IRGM: variants seen among roughly 807,000 people sequenced by gnomAD.
IRGM encodes the protein immunity-related GTPase family M protein.
For missense variants in IRGM, 288 were observed against 219.9 expected (o/e 1.31, Z -1.96); for synonymous variants, 98 against 80.6 (o/e 1.22, Z -1.16).
intron 3 of IRGM, among the ~76,000 whole-genome samples, chr5:150,880,054 G>A (rs1008794925): frequency 2.6e-5 from 4 of 152,072 alleles, no homozygotes; most frequent in Non-Finnish European, 5.9e-5. Flanking sequence ...TGGGCAAACT[G>A]GAGTCATCTG....
At position 150,863,485 on chromosome 5, in the gene IRGM, C is replaced by T. The variant is rs1015060206; in HGVS notation, c.159-14495C>T. Reference sequence around the variant, plus strand: ...ATATGGGATAAAATATAATGATTACCTCTGGATAATTTTGGGACAGTAAAT... The same window carrying T: ...ATATGGGATAAAATATAATGATTACTTCTGGATAATTTTGGGACAGTAAAT... On this transcript the variant is annotated intron_variant and NMD_transcript_variant, in intron 1 of 3. Coordinates refer to the IRGM transcript ENST00000520549. 8.5e-5 allele frequency among the ~76,000 whole-genome samples: 13 copies of T among 152,150 alleles called. 1 individual carries two copies. Among genetic ancestry groups the T allele is most frequent in the Admixed American group, 6.5e-4 (10 of 15,300 alleles).
At chr5:150,896,304 A>C (rs1288170426) in intron 3 of IRGM, 1 of 1,613,558 alleles carries the variant, frequency 6.2e-7, no homozygotes, top group Non-Finnish European at 8.5e-7. Context: ...ATGTACAACA[A>C]GATGAAACTT....
At chr5:150,876,695 G>A (rs562541588) in intron 1 of IRGM, among the ~76,000 whole-genome samples, 1 of 152,276 alleles carries the variant, frequency 6.6e-6, no homozygotes, top group South Asian at 2.1e-4. Context: ...CTGCAAATGG[G>A]TTCCAGACCC....
At chr5:150,851,561 A>G (rs1351153994), downstream of IRGM, among the ~76,000 whole-genome samples, 1 of 152,220 alleles carries the variant, frequency 6.6e-6, no homozygotes, top group Non-Finnish European at 1.5e-5. Flanking sequence ...CTTTGAGAAG[A>G]TGATATATAA....
intron 3 of IRGM, among the ~76,000 whole-genome samples, chr5:150,893,987 ATT>A (rs1754665492): frequency 6.6e-6 from 1 of 151,990 alleles, no homozygotes; most frequent in Admixed American, 6.6e-5. Flanking sequence ...GGCATCTTTA[ATT>A]CTCAGTTCCC....
intron 1 of IRGM, among the ~76,000 whole-genome samples, chr5:150,869,789 T>C (rs1754256872): frequency 6.6e-6 from 1 of 152,142 alleles, no homozygotes; most frequent in Admixed American, 6.5e-5. Flanking sequence ...ACCTTTCCAA[T>C]TTGCTTCAAA....
chr5:150,848,130 G>A lies in IRGM; in HGVS notation c.7G>A (p.Ala3Thr), dbSNP rs763474099. The A allele has an allele frequency of 1.6e-5, 25 of 1,541,840 alleles. No individual in the cohort carries two copies. The highest frequency in any genetic ancestry group is 2.4e-5 in the South Asian group (2 of 83,100). Residue 3 changes from alanine (A) to threonine (T), a missense_variant, in exon 2 of 2, where the codon GCC becomes ACC. Coordinates refer to ENST00000522154, the MANE Select transcript of IRGM (RefSeq NM_001145805.2). ...TTGGGGTATTTTATTGAAGATGGAA[G>A]CCATGAATGTTGAGAAAGCCTCAGC... ME[A>T]MNVEKASADG...
chr5:150,861,645 G>A (rs142134874), intron 1 of IRGM, among the ~76,000 whole-genome samples: 2 of 152,048 alleles, frequency 1.3e-5, no homozygotes, highest in African/African-American at 4.8e-5. Flanking sequence ...ATTTTTAGTC[G>A]CAGGTCTCTA....
intron 3 of IRGM, among the ~76,000 whole-genome samples, chr5:150,890,599 T>G (rs1331500928): frequency 6.6e-6 from 1 of 152,052 alleles, no homozygotes; most frequent in Non-Finnish European, 1.5e-5. Context: ...CTTTAGCACT[T>G]TAAATTTCTC....
At chr5:150,866,548 G>C (rs533188550) in intron 1 of IRGM, among the ~76,000 whole-genome samples, 1 of 152,106 alleles carries the variant, frequency 6.6e-6, no homozygotes, top group Non-Finnish European at 1.5e-5. Flanking sequence ...TTTTGGTAAT[G>C]TTACATAAAG....
At chr5:150,857,084 C>A (rs1203063486) in intron 1 of IRGM, among the ~76,000 whole-genome samples, 5 of 151,990 alleles carry the variant, frequency 3.3e-5, no homozygotes, top group Non-Finnish European at 7.4e-5. Flanking sequence ...CTCCCTCCTC[C>A]CCCAACCCCA....
At chr5:150,860,764 C>T (rs934036814) in intron 1 of IRGM, among the ~76,000 whole-genome samples, 12 of 152,218 alleles carry the variant, frequency 7.9e-5, no homozygotes, top group African/African-American at 2.9e-4. Context: ...ATCACACAGA[C>T]ACAGCTACTA....
chr5:150,868,291 G>A (rs1423189784), intron 1 of IRGM, among the ~76,000 whole-genome samples: 1 of 151,942 alleles, frequency 6.6e-6, no homozygotes, highest in Non-Finnish European at 1.5e-5. Context: ...TAAGTATTTG[G>A]GTTTATTTCT....
downstream of IRGM, among the ~76,000 whole-genome samples, chr5:150,849,607 T>TC (rs200651318): frequency 0.16 from 18,491 of 115,364 alleles, 1,235 homozygotes; most frequent in East Asian, 0.46. Flanking sequence ...TTTTCTCTCT[T>TC]TTTTTTTTTT....
chr5:150,889,423 A>G (rs1439531904), intron 3 of IRGM, among the ~76,000 whole-genome samples: 1 of 152,084 alleles, frequency 6.6e-6, no homozygotes, highest in Non-Finnish European at 1.5e-5. Context: ...ACCTGCTCCC[A>G]TAATTCAATT....
intron 2 of IRGM, chr5:150,879,489 G>T (rs1413023636): frequency 6.6e-6 from 1 of 152,136 alleles, no homozygotes; most frequent in Non-Finnish European, 1.5e-5. Flanking sequence ...AAAAAGTAAT[G>T]CTTGCCAAGT....
chr5:150,859,519 T>C (rs1754106075), intron 1 of IRGM, among the ~76,000 whole-genome samples: 1 of 152,232 alleles, frequency 6.6e-6, no homozygotes, highest in African/African-American at 2.4e-5. Flanking sequence ...CTCCTCTTTG[T>C]ACCTCTGGTA....
rs1486473978 is a variant in IRGM at position 150,857,646 on chromosome 5, T to C, written c.158+8992T>C. On this transcript the variant is annotated intron_variant and NMD_transcript_variant, in intron 1 of 3. Coordinates refer to the IRGM transcript ENST00000520549. ...CTAACTGGTGTGAGATGGTATCTCA[T>C]TGTGGTTTTGATTTGCATTTCTCTG... Among the ~76,000 whole-genome samples, 1,057 of 152,088 alleles carry C rather than the reference T, an allele frequency of 6.9e-3. 13 individuals are homozygous for C. The highest frequency in any genetic ancestry group is 0.024 in the African/African-American group (1,006 of 41,472).
intron 1 of IRGM, among the ~76,000 whole-genome samples, chr5:150,860,921 T>G (rs1203097919): frequency 6.6e-6 from 1 of 152,214 alleles, no homozygotes; most frequent in Admixed American, 6.5e-5. Flanking sequence ...GATGGTATTG[T>G]ATAGTTTAAA....
Sources: gnomAD v4.1 joint callset for allele counts (sites outside exome capture counted in the v4.1 genomes callset) on GRCh38, gnomAD v4.1.1 for gene constraint, MANE v1.5 for transcripts, NCBI Gene and HGNC (gene_info 2026-07-23, HGNC 2026-07-21) for gene names.